MYO15A: variants seen among roughly 807,000 people sequenced by gnomAD.
MYO15A encodes the protein myosin XVA, also known as unconventional myosin-XV.
In MYO15A, 308 loss-of-function variants were observed where a neutral mutation model predicts 394.6. The ratio of observed to expected loss-of-function variants is 0.78; its 90% CI spans 0.71 to 0.86. The LOEUF (loss-of-function observed/expected upper bound fraction) is 0.86, where lower values mean the gene tolerates loss of function less well. Ranked by LOEUF, MYO15A falls within the 40% of genes least tolerant of loss-of-function variation. The pLI is 0.00. For missense variants in MYO15A, 4,606 were observed against 4,799.1 expected (o/e 0.96, Z 1.19); for synonymous variants, 1,957 against 2,003.8 (o/e 0.98, Z 0.62).
At chr17:18,173,594 G>A (rs2046972499) in intron 64 of MYO15A, 187 bp from the exon 65 acceptor site, 4 of 713,660 alleles carry the variant, frequency 5.6e-6, no homozygotes. Context: ...CAATTTTATA[G>A]GTGAGGAAAC....
At chr17:18,163,344 C>T in intron 59 of MYO15A, 23 bp downstream of exon 59, 1 of 1,610,218 alleles carries the variant, frequency 6.2e-7, no homozygotes, top group Non-Finnish European at 8.5e-7. Flanking sequence ...ATGTCTCCTG[C>T]AGCCAGGTAC....
At chr17:18,168,128 A>T (rs554077505) in intron 62 of MYO15A, among the ~76,000 whole-genome samples, 1 of 152,356 alleles carries the variant, frequency 6.6e-6, no homozygotes, top group African/African-American at 2.4e-5. Flanking sequence ...GTCGTCAAGT[A>T]AATTATGGGT....
At chr17:18,162,494 A>G (rs1157256023) in intron 57 of MYO15A, 91 bp from the exon 58 acceptor site, 1 of 1,123,960 alleles carries the variant, frequency 8.9e-7, no homozygotes, top group East Asian at 2.5e-5. Flanking sequence ...TGTGGAGAGA[A>G]TGCAGTGGGC....
rs756225874 is a variant in MYO15A, at chr17:18,121,929, T to C, written c.3129T>C (p.Asp1043=). Residue 1043 remains aspartate (D), a synonymous_variant, in exon 2 of 66, where the codon GAT becomes GAC. Transcript: ENST00000647165. The surrounding 1 kb of genome is among the most constrained non-coding windows in gnomAD (Gnocchi z 5.3). The stretch of plus-strand genomic sequence containing the variant: ...CCAAGGATGTCACTCCCCCCAAGGA[T>C]ATCACTCCCCCCAAGGATGTCCTCC... ...APPKDVTPPK[D]ITPPKDVLPE... is the part of the protein sequence containing the mutation. The C allele has an allele frequency of 3.1e-5, 50 of 1,612,708 alleles. No individual in the cohort carries two copies. The Admixed American group carries it at 6.3e-4, about 20-fold the overall frequency.
rs2046619891 is a variant in MYO15A at position 18,153,518 on chromosome 17, G to A, written c.7967-257G>A. Reference sequence around the variant, plus strand: ...TTGAGACTAGCCGGCCCAACATGGCGAAACCCCATCTCTACTAAACATACA... The same window carrying A: ...TTGAGACTAGCCGGCCCAACATGGCAAAACCCCATCTCTACTAAACATACA... On this transcript the variant is annotated intron_variant, in intron 42 of 65. Coordinates refer to ENST00000647165, the MANE Select transcript of MYO15A (RefSeq NM_016239.4). The surrounding 1 kb of genome is among the most constrained non-coding windows in gnomAD (Gnocchi z 4.1). 5.5e-6 allele frequency: 1 copy of A among 180,296 alleles called. No homozygotes were observed. Among genetic ancestry groups the A allele is most frequent in the Non-Finnish European group, 1.1e-5 (1 of 89,732 alleles). 11.2% of individuals were successfully genotyped at this position (180,296 alleles called of 1,614,324 possible).
In MYO15A at chr17:18,143,936, G is replaced by T. The variant is rs368615320; in HGVS notation, c.6113G>T (p.Arg2038Leu). The T allele has an allele frequency of 1.2e-6, 2 of 1,611,056 alleles. No homozygotes were observed. The highest frequency in any genetic ancestry group is 1.7e-6 in the Non-Finnish European group (2 of 1,178,946). Residue 2038 changes from arginine to leucine, a missense_variant, in exon 28 of 66, where the codon CGT becomes CTT. Transcript: ENST00000647165. Reference sequence around the variant, plus strand: ...ACTCCTCGACTCCAGGCTGAGCCCCGTGTCACACTGCCCCTGGACATCAAC... The same window carrying T: ...ACTCCTCGACTCCAGGCTGAGCCCCTTGTCACACTGCCCCTGGACATCAAC... ...VRTPRLQAEPRVTLPLDINNY... is the reference protein window; with the variant it reads ...VRTPRLQAEPLVTLPLDINNY...
At chr17:18,171,552 G>C (rs2046939949) in intron 62 of MYO15A, 86 bp from the exon 63 acceptor site, 1 of 1,592,654 alleles carries the variant, frequency 6.3e-7, no homozygotes, top group Non-Finnish European at 8.6e-7. Flanking sequence ...CATAGATCAG[G>C]ACTGCTCTGC....
intron 1 of MYO15A, among the ~76,000 whole-genome samples, chr17:18,116,929 A>G (rs200406087): frequency 2.6e-3 from 344 of 132,234 alleles, no homozygotes; most frequent in Non-Finnish European, 4.0e-3. Flanking sequence ...CAAAAAAAAA[A>G]AAAGAAAGAA....
At chr17:18,149,168 C>T (rs768718228) in intron 33 of MYO15A, 48 bp from the exon 34 acceptor site, 14 of 1,610,630 alleles carry the variant, frequency 8.7e-6, no homozygotes, top group Admixed American at 1.7e-5. Context: ...TTGGGGGATT[C>T]TGGGATCTCT....
chr17:18,162,736 A>G (rs2046794760), intron 58 of MYO15A, 57 bp downstream of exon 58: 1 of 1,559,678 alleles, frequency 6.4e-7, no homozygotes, highest in Admixed American at 1.7e-5. Flanking sequence ...GCAGTGGCTC[A>G]TGCCTGTAAT....
intron 60 of MYO15A, among the ~76,000 whole-genome samples, chr17:18,165,286 T>C (rs531002791): frequency 6.6e-6 from 1 of 152,274 alleles, no homozygotes; most frequent in Admixed American, 6.5e-5. Flanking sequence ...CATAAATATA[T>C]TACCTTATAA....
At chr17:18,155,654 A>G (rs117916323) in intron 47 of MYO15A, among the ~76,000 whole-genome samples, 1 of 151,830 alleles carries the variant, frequency 6.6e-6, no homozygotes, top group East Asian at 1.9e-4. Context: ...CTAGGCACCC[A>G]CTCCCCTGCC....
intron 35 of MYO15A, chr17:18,149,837 C>A: frequency 1.9e-6 from 1 of 537,566 alleles, no homozygotes; most frequent in Non-Finnish European, 3.4e-6. Flanking sequence ...TCTGTAGTCC[C>A]AACTACTTAG....
At chr17:18,158,032 T>G in intron 51 of MYO15A, 132 bp downstream of exon 51, 2 of 1,276,416 alleles carry the variant, frequency 1.6e-6, no homozygotes, top group Non-Finnish European at 2.1e-6. Context: ...GATCTTGGAC[T>G]AGTGTGAGGG....
chr17:18,149,682 G>A (rs940962343), intron 35 of MYO15A, 102 bp downstream of exon 35: 1 of 1,226,178 alleles, frequency 8.2e-7, no homozygotes, highest in African/African-American at 1.5e-5. Context: ...TCACAGCCAG[G>A]GTCATGGGGT....
chr17:18,157,313 C>T (rs1176818991), intron 50 of MYO15A, 83 bp downstream of exon 50: 15 of 1,534,842 alleles, frequency 9.8e-6, no homozygotes, highest in Non-Finnish European at 1.2e-5. Flanking sequence ...GTGAGGGTTT[C>T]TTGGTGCCCG....
rs1183608642 is a variant in MYO15A, at chr17:18,150,620, C to T, written c.7327+77C>T. 1 of 1,608,582 alleles carries T rather than the reference C, an allele frequency of 6.2e-7. No homozygotes were observed. The highest frequency in any genetic ancestry group is 1.7e-5 in the Admixed American group (1 of 59,534). ...GCTGGTGTGCTAGAATGGAGGCAGC[C>T]ACAGCATGATGGGGGCTGAGAGGAC... On this transcript the variant is annotated intron_variant, in intron 36 of 65. Transcript: ENST00000647165. This position sits in a 1 kb window ranked among gnomAD's most constrained non-coding sequence, Gnocchi z 4.4.
chr17:18,140,929 C>T, intron 21 of MYO15A, 90 bp from the exon 22 acceptor site: 1 of 1,612,462 alleles, frequency 6.2e-7, no homozygotes, highest in Non-Finnish European at 8.5e-7. Flanking sequence ...CTGCATCTGC[C>T]CAGCCTAGCA....
At chr17:18,111,261 G>A (rs1032170253) in intron 1 of MYO15A, among the ~76,000 whole-genome samples, 3 of 151,044 alleles carry the variant, frequency 2.0e-5, no homozygotes, top group Non-Finnish European at 4.4e-5. Flanking sequence ...CTTGAGCCTG[G>A]GAGCTTGAGG....
Sources: allele counts gnomAD v4.1 joint callset (sites outside exome capture counted in the v4.1 genomes callset), GRCh38; gene constraint gnomAD v4.1.1; non-coding constraint Gnocchi (gnomAD v3.1); transcripts MANE v1.5; gene names NCBI Gene and HGNC (gene_info 2026-07-23, HGNC 2026-07-21).